Variants in RRM1 observed in about 807,000 individuals in gnomAD.
The protein encoded by RRM1 is ribonucleoside-diphosphate reductase large subunit.
In RRM1, 19 loss-of-function variants were observed where a neutral mutation model predicts 101.5. That is an observed-to-expected ratio of 0.19 (90% CI 0.13 to 0.27). The LOEUF is 0.27. Ranked by LOEUF, RRM1 falls within the 10% of genes least tolerant of loss-of-function variation. The probability of loss-of-function intolerance (pLI) is 1.00; values close to 1 mark genes in which losing one functional copy is unlikely to be tolerated. For synonymous variants in RRM1, 298 were observed against 323.4 expected, an observed-to-expected ratio of 0.92 and a Z score of 0.84; for missense variants, 500 against 962.9, an observed-to-expected ratio of 0.52 and a Z score of 6.36.
chr11:4,103,683 C>G (rs1786631630), intron 2 of RRM1, among the ~76,000 whole-genome samples: 2 of 151,952 alleles, frequency 1.3e-5, no homozygotes, highest in South Asian at 4.1e-4. Flanking sequence ...GGTGCAGTGG[C>G]TCAATCTTGG....
intron 7 of RRM1, 142 bp downstream of exon 7, chr11:4,112,204 G>T: frequency 1.6e-6 from 1 of 614,202 alleles, no homozygotes. Flanking sequence ...ATCTCTGACT[G>T]TAATGTGGTA....
Position 4,111,597 on chromosome 11 carries a change from C to T in RRM1, c.448-4C>T. On this transcript the variant is annotated splice_polypyrimidine_tract_variant and splice_region_variant and intron_variant, in intron 5 of 18. Coordinates refer to ENST00000300738, the MANE Select transcript of RRM1 (RefSeq NM_001033.5). ...AAAATTTTTTGTTGTTTCTCTCTTTCTAGACGCTAGAGCGGTCTTATTTGT... is the reference window on the plus strand; with the variant it reads ...AAAATTTTTTGTTGTTTCTCTCTTTTTAGACGCTAGAGCGGTCTTATTTGT... The T allele has an allele frequency of 6.3e-7, 1 of 1,593,418 alleles. No homozygotes were observed. The highest frequency in any genetic ancestry group is 8.6e-7 in the Non-Finnish European group (1 of 1,169,200).
At chr11:4,129,966 A>T (rs1038727020) in intron 15 of RRM1, among the ~76,000 whole-genome samples, 37 of 150,214 alleles carry the variant, frequency 2.5e-4, no homozygotes, top group African/African-American at 8.0e-4. Flanking sequence ...ACCTGTGTGC[A>T]TCTTAGTGTC....
intron 3 of RRM1, among the ~76,000 whole-genome samples, chr11:4,107,076 G>A (rs1229044571): frequency 6.6e-6 from 1 of 151,952 alleles, no homozygotes; most frequent in Non-Finnish European, 1.5e-5. Flanking sequence ...TGTATTTTTA[G>A]TAGAGACGGG....
At position 4,111,903 on chromosome 11, in the gene RRM1, C is replaced by T; in HGVS notation, c.491C>T (p.Ala164Val). The T allele has an allele frequency of 6.2e-7, 1 of 1,612,800 alleles. No homozygotes were observed. Among genetic ancestry groups the T allele is most frequent in the Non-Finnish European group, 8.5e-7 (1 of 1,179,370 alleles). Reference sequence around the variant, plus strand: ...AAAACTCCTCTTTTGTCTATAGTGGCTGAAAGACCACAACATATGTTGATG... The same window carrying T: ...AAAACTCCTCTTTTGTCTATAGTGGTTGAAAGACCACAACATATGTTGATG... ...SYLLKINGKV[A>V]ERPQHMLMRV... is the part of the protein sequence containing the mutation. Residue 164 changes from alanine to valine, a missense_variant, in exon 7 of 19, where the codon GCT becomes GTT. Coordinates refer to ENST00000300738, the MANE Select transcript of RRM1 (RefSeq NM_001033.5).
At chr11:4,118,867 T>G (rs1044208082) in intron 8 of RRM1, among the ~76,000 whole-genome samples, 2 of 152,212 alleles carry the variant, frequency 1.3e-5, no homozygotes, top group Non-Finnish European at 2.9e-5. Context: ...AAAATAACCT[T>G]GTGAATAAAG....
chr11:4,116,448 C>T (rs2094573516), intron 7 of RRM1: 1 of 152,192 alleles, frequency 6.6e-6, no homozygotes, highest in Non-Finnish European at 1.5e-5. Flanking sequence ...AACTATTAGC[C>T]AGGCGTGGTG....
chr11:4,133,439 A>G, intron 16 of RRM1, 124 bp from the exon 17 acceptor site: 1 of 570,550 alleles, frequency 1.8e-6, no homozygotes, highest in South Asian at 2.4e-5. Flanking sequence ...AAAAGATAGA[A>G]TTTACCAAGC....
chr11:4,116,551 C>T (rs2094573694), intron 7 of RRM1, among the ~76,000 whole-genome samples: 1 of 152,104 alleles, frequency 6.6e-6, no homozygotes, highest in Non-Finnish European at 1.5e-5. Context: ...AAGATCATGC[C>T]ACTGTACTGC....
chr11:4,108,714 CGAAGACAAGTT>C (rs2094561663), intron 4 of RRM1, among the ~76,000 whole-genome samples: 1 of 151,330 alleles, frequency 6.6e-6, no homozygotes, highest in Admixed American at 6.6e-5. Context: ...TGTGTAATCT[CGAAGACAAGTT>C]GAAGACAAAA....
chr11:4,126,898 A>T, intron 13 of RRM1, 65 bp downstream of exon 13: 1 of 1,470,422 alleles, frequency 6.8e-7, no homozygotes, highest in Non-Finnish European at 9.3e-7. Context: ...ATCAATCATG[A>T]TCTTCAAGTC....
chr11:4,119,610 C>T, intron 8 of RRM1: 1 of 448,142 alleles, frequency 2.2e-6, no homozygotes, highest in South Asian at 2.4e-5. Context: ...ATTGTTACAT[C>T]TCATTATAAA....
intron 15 of RRM1, among the ~76,000 whole-genome samples, chr11:4,130,647 G>A (rs1404621434): frequency 2.0e-5 from 3 of 152,144 alleles, no homozygotes; most frequent in South Asian, 2.1e-4. Context: ...AGGGAGCCGA[G>A]ATCATGCCAC....
chr11:4,100,146 A>G (rs1233290393), intron 1 of RRM1, among the ~76,000 whole-genome samples: 1 of 152,252 alleles, frequency 6.6e-6, no homozygotes, highest in African/African-American at 2.4e-5. Flanking sequence ...GGGCTAACAT[A>G]TCAGTGTAGA....
chr11:4,101,557 A>ACCCCCCCCCCCCCCCCCCCCCCCCCCCCC (rs200112921), intron 1 of RRM1, among the ~76,000 whole-genome samples: 3 of 43,644 alleles, frequency 6.9e-5, no homozygotes, highest in African/African-American at 7.0e-5. Flanking sequence ...CCAGTGATCC[A>ACCCCCCCCCCCCCCCCCCCCCCCCCCCCC]CACCCCCCCC....
chr11:4,137,488 GC>G (rs1384260242), intron 18 of RRM1, among the ~76,000 whole-genome samples: 1 of 111,146 alleles, frequency 9.0e-6, no homozygotes, highest in East Asian at 2.9e-4. Context: ...GGCTGGCCGG[GC>G]CGGGGGCTGA....
chr11:4,099,948 C>CG (rs1420546019), intron 1 of RRM1, among the ~76,000 whole-genome samples: 2 of 152,170 alleles, frequency 1.3e-5, no homozygotes, highest in Admixed American at 6.5e-5. Context: ...TGCTTTCCCC[C>CG]CCCACTGCAT....
chr11:4,103,828 T>G (rs1411494269), intron 2 of RRM1, among the ~76,000 whole-genome samples: 1 of 143,786 alleles, frequency 7.0e-6, no homozygotes, highest in Non-Finnish European at 1.5e-5. Context: ...AGGGTTTTGC[T>G]ATGTTGGCCA....
At chr11:4,096,605 T>A (rs1191795711) in intron 1 of RRM1, among the ~76,000 whole-genome samples, 1 of 152,234 alleles carries the variant, frequency 6.6e-6, no homozygotes, top group East Asian at 1.9e-4. Flanking sequence ...GCACTTTTAT[T>A]GATCCATTCA....
Sources: gnomAD v4.1 joint callset for allele counts (sites outside exome capture counted in the v4.1 genomes callset) on GRCh38, gnomAD v4.1.1 for gene constraint, MANE v1.5 for transcripts, NCBI Gene and HGNC (gene_info 2026-07-23, HGNC 2026-07-21) for gene names.